Variants in RALGPS2 observed in about 807,000 individuals in gnomAD.
RALGPS2 encodes the protein Ral GEF with PH domain and SH3 binding motif 2, also known as ras-specific guanine nucleotide-releasing factor RalGPS2.
RALGPS2 carries 43 observed loss-of-function variants against 86.8 expected under a neutral mutation model. The observed-to-expected ratio is 0.50, with a 90% confidence interval of 0.39 to 0.64. The LOEUF (loss-of-function observed/expected upper bound fraction) is 0.64, where lower values mean the gene tolerates loss of function less well. RALGPS2 is among the 30% of genes least tolerant of loss of function. The pLI is 0.00. For missense variants in RALGPS2, 536 were observed against 694.6 expected, an observed-to-expected ratio of 0.77 and a Z score of 2.57; for synonymous variants, 243 against 231.3, an observed-to-expected ratio of 1.05 and a Z score of -0.46.
intron 1 of RALGPS2, chr1:178,746,817 TCTC>T (rs1265466453): frequency 3.6e-6 from 4 of 1,118,200 alleles, no homozygotes; most frequent in South Asian, 1.2e-5. Flanking sequence ...CTCTCATTGT[TCTC>T]CTCCATTGTA....
At chr1:178,810,199 C>T (rs148501363) in intron 5 of RALGPS2, among the ~76,000 whole-genome samples, 279 of 151,944 alleles carry the variant, frequency 1.8e-3, no homozygotes, top group African/African-American at 6.3e-3. Flanking sequence ...GCTTGGGCAA[C>T]GTGGTGAAAC....
At position 178,751,194 on chromosome 1, in the gene RALGPS2, C is replaced by T. The variant is rs571646314; in HGVS notation, c.-83-25488C>T. On this transcript the variant is annotated intron_variant, in intron 1 of 19. Transcript: ENST00000367635. ...TTTCTACAAAGAACCAACATTCCTC[C>T]GTTATGGCAATTTCTTCCGTTCTTG... Among the ~76,000 whole-genome samples, 5 of 152,212 alleles carry T rather than the reference C, an allele frequency of 3.3e-5. No individual in the cohort carries two copies. The East Asian group carries it at 5.8e-4, about 18-fold the overall frequency.
chr1:178,853,249 C>G, intron 8 of RALGPS2: 1 of 972,608 alleles, frequency 1.0e-6, no homozygotes, highest in Non-Finnish European at 1.2e-6. Flanking sequence ...AAAATATTAG[C>G]TAGTATACTA....
At chr1:178,872,273 C>A (rs1658799538) in intron 8 of RALGPS2, among the ~76,000 whole-genome samples, 2 of 152,184 alleles carry the variant, frequency 1.3e-5, no homozygotes, top group African/African-American at 4.8e-5. Flanking sequence ...TTCACAGAAT[C>A]ATTTATTTGA....
At chr1:178,827,425 CG>C (rs1655798630) in intron 7 of RALGPS2, among the ~76,000 whole-genome samples, 2 of 139,652 alleles carry the variant, frequency 1.4e-5, no homozygotes, top group Admixed American at 1.4e-4. Flanking sequence ...GACGGAGTCT[CG>C]CTCTGTCGCC....
At chr1:178,882,953 A>G (rs569006186) in intron 10 of RALGPS2, among the ~76,000 whole-genome samples, 2 of 152,360 alleles carry the variant, frequency 1.3e-5, no homozygotes, top group African/African-American at 2.4e-5. Context: ...TTAATAATAC[A>G]TATGAAAGTT....
chr1:178,799,372 GA>G (rs374916018), intron 4 of RALGPS2, among the ~76,000 whole-genome samples: 18 of 149,582 alleles, frequency 1.2e-4, no homozygotes, highest in Admixed American at 3.4e-4. Context: ...TCCTACTCTG[GA>G]AAAAAAAAAT....
intron 1 of RALGPS2, among the ~76,000 whole-genome samples, chr1:178,733,985 T>C (rs1650535042): frequency 1.3e-5 from 2 of 152,152 alleles, no homozygotes; most frequent in Admixed American, 6.5e-5. Context: ...ACAAGAAACT[T>C]GTAGTCAGAA....
chr1:178,864,994 T>G (rs774519362), intron 8 of RALGPS2: 18 of 1,470,044 alleles, frequency 1.2e-5, no homozygotes, highest in Non-Finnish European at 9.0e-7. Context: ...TGAAAGGGCT[T>G]TTGGTGGGAG....
chr1:178,776,018 G>A (rs6670307), intron 1 of RALGPS2, among the ~76,000 whole-genome samples: 35,339 of 151,042 alleles, frequency 0.23, 4,302 homozygotes, highest in Admixed American at 0.31. Flanking sequence ...AACAATTTAC[G>A]TAGCATTGGC....
chr1:178,901,420 C>T (rs12122215), intron 17 of RALGPS2, among the ~76,000 whole-genome samples: 1 of 151,910 alleles, frequency 6.6e-6, no homozygotes, highest in African/African-American at 2.4e-5. Context: ...TAAACAATAC[C>T]TGAATGGCTT....
At chr1:178,746,260 A>T (rs1651324862) in intron 1 of RALGPS2, among the ~76,000 whole-genome samples, 1 of 152,236 alleles carries the variant, frequency 6.6e-6, no homozygotes, top group South Asian at 2.1e-4. Context: ...ACTTTTTGAA[A>T]TCTGCAAAAT....
intron 1 of RALGPS2, among the ~76,000 whole-genome samples, chr1:178,766,381 G>A (rs1025734687): frequency 1.6e-5 from 2 of 128,446 alleles, no homozygotes; most frequent in Non-Finnish European, 3.4e-5. Flanking sequence ...TACCACACCC[G>A]GCTAATTTTT....
chr1:178,893,890 CT>C, intron 15 of RALGPS2, 28 bp from the exon 16 acceptor site: 1 of 1,437,780 alleles, frequency 7.0e-7, no homozygotes, highest in Non-Finnish European at 9.7e-7. Flanking sequence ...GACAAAAGCT[CT>C]TATGTGTTCT....
At chr1:178,878,282 A>G (rs1483149942) in intron 9 of RALGPS2, among the ~76,000 whole-genome samples, 1 of 152,154 alleles carries the variant, frequency 6.6e-6, no homozygotes, top group Non-Finnish European at 1.5e-5. Flanking sequence ...GGCTGTTAAT[A>G]CATAATTTTT....
At chr1:178,745,379 A>G (rs1401926188) in intron 1 of RALGPS2, among the ~76,000 whole-genome samples, 1 of 152,246 alleles carries the variant, frequency 6.6e-6, no homozygotes, top group Non-Finnish European at 1.5e-5. Flanking sequence ...ATCACAATTT[A>G]TTATAAATCT....
At chr1:178,769,678 T>A (rs1238101885) in intron 1 of RALGPS2, among the ~76,000 whole-genome samples, 2 of 152,098 alleles carry the variant, frequency 1.3e-5, no homozygotes, top group Non-Finnish European at 2.9e-5. Flanking sequence ...TGGTTTCAGG[T>A]CATGAAGCTG....
chr1:178,828,629 CAAAAG>C (rs1344422083), intron 7 of RALGPS2, among the ~76,000 whole-genome samples: 1 of 152,152 alleles, frequency 6.6e-6, no homozygotes, highest in Non-Finnish European at 1.5e-5. Context: ...AGACATTTCT[CAAAAG>C]AAAACATACA....
At chr1:178,788,141 A>T (rs939536348) in intron 4 of RALGPS2, among the ~76,000 whole-genome samples, 10 of 151,604 alleles carry the variant, frequency 6.6e-5, no homozygotes, top group African/African-American at 2.2e-4. Flanking sequence ...ATTAACTTCT[A>T]CTCATCTTTC....
Sources: gnomAD v4.1 joint callset for allele counts (sites outside exome capture counted in the v4.1 genomes callset) on GRCh38, gnomAD v4.1.1 for gene constraint, MANE v1.5 for transcripts, NCBI Gene and HGNC (gene_info 2026-07-23, HGNC 2026-07-21) for gene names.